LRBA: variants seen among roughly 807,000 people sequenced by gnomAD.
LRBA encodes the protein lipopolysaccharide-responsive and beige-like anchor protein.
LRBA carries 176 observed loss-of-function variants against 330.0 expected under a neutral mutation model. The ratio of observed to expected loss-of-function variants is 0.53; its 90% CI spans 0.47 to 0.60. The LOEUF (loss-of-function observed/expected upper bound fraction) is 0.60, where lower values mean the gene tolerates loss of function less well. Among genes scored for constraint, LRBA ranks in the 20% least tolerant of loss-of-function variants. The probability of loss-of-function intolerance (pLI) is 0.00; values close to 1 mark genes in which losing one functional copy is unlikely to be tolerated. For missense variants in LRBA, 3,259 were observed against 3,444.8 expected (o/e 0.95, Z 1.35); for synonymous variants, 1,230 against 1,193.0 (o/e 1.03, Z -0.64).
Position 150,638,174 on chromosome 4 carries a change from G to C in LRBA, c.5922-39043C>G, listed in dbSNP as rs181983490. ...AGCCTCCCGAAAAGCTGGGATTACA[G>C]GCAAGCACCGCTATGCCTGGCTAAT... On this transcript the variant is annotated intron_variant, in intron 37 of 56. Transcript: ENST00000651943. Among the ~76,000 whole-genome samples, 17 of 151,864 alleles carry C rather than the reference G, an allele frequency of 1.1e-4. No individual in the cohort carries two copies. In the East Asian group the frequency reaches 2.9e-3, roughly 26 times the overall value.
chr4:150,955,911 T>C (rs1353444378), intron 2 of LRBA, among the ~76,000 whole-genome samples: 1 of 148,494 alleles, frequency 6.7e-6, no homozygotes, highest in Non-Finnish European at 1.5e-5. Flanking sequence ...AATAATAATG[T>C]AGCCTTCCAT....
At chr4:150,882,500 G>A (rs901112845) in intron 17 of LRBA, among the ~76,000 whole-genome samples, 5 of 151,992 alleles carry the variant, frequency 3.3e-5, no homozygotes, top group Non-Finnish European at 7.4e-5. Flanking sequence ...AAAGTGTAAG[G>A]GAGATAACAA....
At chr4:150,741,405 G>A (rs1731953508) in intron 35 of LRBA, among the ~76,000 whole-genome samples, 1 of 152,098 alleles carries the variant, frequency 6.6e-6, no homozygotes. Flanking sequence ...ATTATGAAAA[G>A]TTGTTCAGGA....
intron 2 of LRBA, among the ~76,000 whole-genome samples, chr4:151,004,986 G>A (rs1012237907): frequency 7.2e-5 from 11 of 151,798 alleles, no homozygotes; most frequent in Non-Finnish European, 1.3e-4. Context: ...GCGAGACTTC[G>A]ACTCAAAAAA....
intron 34 of LRBA, among the ~76,000 whole-genome samples, chr4:150,766,363 G>A (rs112153838): frequency 0.032 from 4,929 of 151,902 alleles, 222 homozygotes; most frequent in African/African-American, 0.11. Flanking sequence ...ATACTAAAAA[G>A]AATAGCCTAT....
At chr4:150,980,008 A>C (rs1364340593) in intron 2 of LRBA, among the ~76,000 whole-genome samples, 1 of 152,222 alleles carries the variant, frequency 6.6e-6, no homozygotes, top group Non-Finnish European at 1.5e-5. Flanking sequence ...AGACAAAGAC[A>C]TATCAAAAAA....
rs556568915 is a variant in LRBA at position 150,336,372 on chromosome 4, C to T, written c.7363-10474G>A. 7.9e-5 allele frequency among the ~76,000 whole-genome samples: 12 copies of T among 152,042 alleles called. No individual in the cohort carries two copies. The South Asian group carries it at 2.5e-3, about 32-fold the overall frequency. ...ATCCCTTAGTTTTAGCAATTTTTGCCATCATTTAGTATTAATTAAATACAA... is the reference window on the plus strand; with the variant it reads ...ATCCCTTAGTTTTAGCAATTTTTGCTATCATTTAGTATTAATTAAATACAA... On this transcript the variant is annotated intron_variant, in intron 48 of 56. Transcript: ENST00000651943.
intron 53 of LRBA, among the ~76,000 whole-genome samples, chr4:150,300,572 C>T (rs1729541624): frequency 6.6e-6 from 1 of 151,930 alleles, no homozygotes; most frequent in African/African-American, 2.4e-5. Context: ...ATTTTACAGA[C>T]AAGACAGAAG....
intron 37 of LRBA, among the ~76,000 whole-genome samples, chr4:150,601,395 T>C (rs1460187188): frequency 1.3e-5 from 2 of 152,102 alleles, no homozygotes; most frequent in Non-Finnish European, 1.5e-5. Flanking sequence ...ACAATAACTT[T>C]TATCACACAG....
chr4:150,521,626 T>C (rs1762931882), intron 40 of LRBA, among the ~76,000 whole-genome samples: 1 of 152,240 alleles, frequency 6.6e-6, no homozygotes. Context: ...TAAGAATATG[T>C]TGCATAATTT....
chr4:150,331,457 G>A (rs1339101601), intron 48 of LRBA, among the ~76,000 whole-genome samples: 3 of 152,004 alleles, frequency 2.0e-5, no homozygotes, highest in African/African-American at 7.2e-5. Context: ...AACATTTTTT[G>A]TTATGGAATA....
chr4:150,891,147 G>A (rs1211241903), intron 17 of LRBA, among the ~76,000 whole-genome samples: 1 of 152,134 alleles, frequency 6.6e-6, no homozygotes, highest in Non-Finnish European at 1.5e-5. Context: ...AGCCTCGTTT[G>A]TTTTGTGTTA....
chr4:151,012,213 T>C (rs1744939747), intron 2 of LRBA, among the ~76,000 whole-genome samples: 1 of 152,172 alleles, frequency 6.6e-6, no homozygotes, highest in African/African-American at 2.4e-5. Context: ...ACTTAACCAA[T>C]GACCTTAAAA....
At chr4:150,335,696 T>C (rs1334793658) in intron 48 of LRBA, among the ~76,000 whole-genome samples, 1 of 151,970 alleles carries the variant, frequency 6.6e-6, no homozygotes, top group African/African-American at 2.4e-5. Flanking sequence ...ATAAATGTTT[T>C]TGTTTTTGTT....
At chr4:150,610,849 T>C (rs918977402) in intron 37 of LRBA, among the ~76,000 whole-genome samples, 2 of 152,184 alleles carry the variant, frequency 1.3e-5, no homozygotes, top group African/African-American at 4.8e-5. Context: ...CTTATATTGA[T>C]GATAATTAAT....
intron 28 of LRBA, among the ~76,000 whole-genome samples, chr4:150,837,827 T>C (rs1367154364): frequency 2.0e-5 from 3 of 152,220 alleles, no homozygotes; most frequent in African/African-American, 7.2e-5. Context: ...AATTTGATCC[T>C]GTCATTATGA....
At chr4:150,824,998 C>G (rs1418816738) in intron 30 of LRBA, among the ~76,000 whole-genome samples, 3 of 151,480 alleles carry the variant, frequency 2.0e-5, no homozygotes, top group Non-Finnish European at 2.9e-5. Context: ...TTCCTGGACT[C>G]AAGCAATCCT....
rs1778430592 is a variant in LRBA at position 150,639,813 on chromosome 4, GTGTGTGTATATATA to G, written c.5922-40696_5922-40683del. On this transcript the variant is annotated intron_variant, in intron 37 of 56. Transcript: ENST00000651943. ...TGTGTATATATATATATATGTGTGT[GTGTGTGTATATATA>G]TATATATATATATATATATATATAT... Among the ~76,000 whole-genome samples, 64 of 7,262 alleles carry G rather than the reference GTGTGTGTATATATA, an allele frequency of 8.8e-3. 3 individuals are homozygous for G. The highest frequency in any genetic ancestry group is 0.021 in the African/African-American group (60 of 2,892). The allele number at this position is 7,262 out of a possible 152,430, so 4.8% of individuals were successfully genotyped here.
At chr4:150,401,592 C>T (rs1745475938) in intron 47 of LRBA, among the ~76,000 whole-genome samples, 1 of 152,026 alleles carries the variant, frequency 6.6e-6, no homozygotes, top group African/African-American at 2.4e-5. Context: ...CAGTAACTTA[C>T]CCTAGACTGG....
Sources: allele counts gnomAD v4.1 joint callset (sites outside exome capture counted in the v4.1 genomes callset), GRCh38; gene constraint gnomAD v4.1.1; transcripts MANE v1.5; gene names NCBI Gene and HGNC (gene_info 2026-07-23, HGNC 2026-07-21).